The following FNBP1 variants were observed in gnomAD, a reference collection of about 807,000 sequenced individuals.
FNBP1 encodes formin binding protein 1.
A neutral mutation model predicts 90.6 loss-of-function variants in FNBP1; 26 were observed. The ratio of observed to expected loss-of-function variants is 0.29; its 90% CI spans 0.21 to 0.40. The LOEUF is 0.40. FNBP1 is among the 10% of genes least tolerant of loss of function. The pLI is 1.00. For missense variants in FNBP1, 635 were observed against 768.0 expected, an observed-to-expected ratio of 0.83 and a Z score of 2.05; for synonymous variants, 260 against 265.2, an observed-to-expected ratio of 0.98 and a Z score of 0.19.
chr9:129,890,904 C>T lies in FNBP1; in HGVS notation c.1847-358G>A, dbSNP rs2035040038. ...GGGCGCCGTGGCTCATGCCTGTAAT[C>T]CCAGCACTTTGGGAGCCTGAGGCAG... On this transcript the variant is annotated intron_variant, in intron 16 of 16. Transcript: ENST00000446176. The surrounding 1 kb of genome is among the most constrained non-coding windows in gnomAD (Gnocchi z 5.8). 6.6e-6 allele frequency among the ~76,000 whole-genome samples: 1 copy of T among 152,200 alleles called. No individual in the cohort carries two copies. Among genetic ancestry groups the T allele is most frequent in the Admixed American group, 6.5e-5 (1 of 15,284 alleles).
At chr9:130,053,315 C>A in the FNBP1 span, 1 of 152,350 alleles carries the variant, frequency 6.6e-6, no homozygotes, top group African/African-American at 2.4e-5. Context: ...GTTTGCTTAC[C>A]TGTAAAGTAG....
intron 6 of FNBP1, among the ~76,000 whole-genome samples, chr9:129,930,419 C>CA (rs1289415476): frequency 6.6e-6 from 1 of 152,120 alleles, no homozygotes; most frequent in Non-Finnish European, 1.5e-5. Flanking sequence ...ACTAAAAAGG[C>CA]ATATGAACCA....
At chr9:129,973,667 ATTT>A (rs745641781) in intron 4 of FNBP1, among the ~76,000 whole-genome samples, 3 of 135,282 alleles carry the variant, frequency 2.2e-5, no homozygotes, top group Admixed American at 7.4e-5. Context: ...TGCCCGGCTA[ATTT>A]TTTTTTTTTT....
At chr9:130,018,086 T>A (rs957966073) in intron 1 of FNBP1, among the ~76,000 whole-genome samples, 1 of 151,352 alleles carries the variant, frequency 6.6e-6, no homozygotes, top group Non-Finnish European at 1.5e-5. Flanking sequence ...GCTAATTTTT[T>A]AATATTTTTA....
intron 1 of FNBP1, among the ~76,000 whole-genome samples, chr9:130,040,701 A>C (rs542251954): frequency 6.6e-6 from 1 of 152,096 alleles, no homozygotes; most frequent in East Asian, 1.9e-4. Flanking sequence ...CTGTTAACTG[A>C]TTCATTCTTC....
At chr9:129,962,958 A>G (rs917983596) in intron 4 of FNBP1, among the ~76,000 whole-genome samples, 1 of 150,910 alleles carries the variant, frequency 6.6e-6, no homozygotes, top group Non-Finnish European at 1.5e-5. Flanking sequence ...TTTGGAAGGC[A>G]CCTCTGGTCC....
chr9:130,046,847 T>C (rs2060063544), upstream of FNBP1, among the ~76,000 whole-genome samples: 2 of 151,280 alleles, frequency 1.3e-5, no homozygotes, highest in Non-Finnish European at 2.9e-5. Flanking sequence ...CCACTCTCCT[T>C]CCCCCGTACT....
intron 1 of FNBP1, among the ~76,000 whole-genome samples, chr9:130,019,210 T>C (rs1036608503): frequency 9.3e-5 from 14 of 149,976 alleles, no homozygotes; most frequent in African/African-American, 3.0e-4. Flanking sequence ...CCCGCCTGGA[T>C]GAGAGTTAGA....
At chr9:130,050,661 TA>T in the FNBP1 span, among the ~76,000 whole-genome samples, 555 of 145,522 alleles carry the variant, frequency 3.8e-3, 37 homozygotes, top group East Asian at 0.035. Context: ...TTTTTTTTTT[TA>T]TTTGACAGGG....
chr9:129,943,163 T>C (rs113914968), intron 6 of FNBP1, among the ~76,000 whole-genome samples: 2 of 152,124 alleles, frequency 1.3e-5, no homozygotes, highest in African/African-American at 4.8e-5. Context: ...TTTCTACATA[T>C]CCTTCAGGTT....
intron 4 of FNBP1, among the ~76,000 whole-genome samples, chr9:129,977,494 T>C (rs1378302441): frequency 6.6e-6 from 1 of 151,570 alleles, no homozygotes; most frequent in Non-Finnish European, 1.5e-5. Flanking sequence ...ATTTTTTTTT[T>C]TTTTTTTTCT....
At chr9:129,984,538 GCCGGGGCT>G (rs2051822202) in intron 2 of FNBP1, among the ~76,000 whole-genome samples, 1 of 152,184 alleles carries the variant, frequency 6.6e-6, no homozygotes, top group African/African-American at 2.4e-5. Context: ...TTGGGCAGGA[GCCGGGGCT>G]CACCCCCCGG....
intron 1 of FNBP1, among the ~76,000 whole-genome samples, chr9:130,021,865 CTGT>C (rs1340963447): frequency 1.3e-5 from 2 of 152,144 alleles, no homozygotes; most frequent in Non-Finnish European, 2.9e-5. Flanking sequence ...CAGTACTAAC[CTGT>C]TGTTTTTTCC....
At chr9:129,913,394 G>T (rs2039690981) in intron 11 of FNBP1, among the ~76,000 whole-genome samples, 3 of 152,134 alleles carry the variant, frequency 2.0e-5, no homozygotes, top group African/African-American at 4.8e-5. Flanking sequence ...GGAGGAGTTG[G>T]TATGGGAAGA....
At chr9:129,914,538 T>G (rs557366632) in intron 11 of FNBP1, among the ~76,000 whole-genome samples, 1 of 151,924 alleles carries the variant, frequency 6.6e-6, no homozygotes, top group Admixed American at 6.6e-5. Context: ...TAGATCCAGT[T>G]TCTCCCAAGT....
chr9:130,032,465 C>G (rs561078532), intron 1 of FNBP1, among the ~76,000 whole-genome samples: 9 of 152,194 alleles, frequency 5.9e-5, no homozygotes, highest in Non-Finnish European at 1.3e-4. Flanking sequence ...GCCACCGTGC[C>G]TGGCCAATAA....
the FNBP1 span, among the ~76,000 whole-genome samples, chr9:130,048,769 C>T: frequency 2.8e-5 from 4 of 141,510 alleles, no homozygotes; most frequent in South Asian, 6.7e-4. Context: ...TGAGCCACCG[C>T]GCCCGGCCCA....
intron 11 of FNBP1, among the ~76,000 whole-genome samples, chr9:129,910,789 G>A (rs923965952): frequency 2.6e-5 from 4 of 151,956 alleles, no homozygotes; most frequent in Non-Finnish European, 4.4e-5. Flanking sequence ...GCCACGCAAA[G>A]ACCTTTCAGC....
At chr9:129,912,779 G>A (rs2039561516) in intron 11 of FNBP1, among the ~76,000 whole-genome samples, 1 of 151,926 alleles carries the variant, frequency 6.6e-6, no homozygotes, top group Non-Finnish European at 1.5e-5. Context: ...TGTGCTGTGA[G>A]TCCAACAGAA....
Sources: gnomAD v4.1 joint callset for allele counts (sites outside exome capture counted in the v4.1 genomes callset) on GRCh38, gnomAD v4.1.1 for gene constraint, Gnocchi (gnomAD v3.1) non-coding constraint, MANE v1.5 for transcripts, NCBI Gene and HGNC (gene_info 2026-07-23, HGNC 2026-07-21) for gene names.